ROBO2: variants seen among roughly 807,000 people sequenced by gnomAD.
The protein encoded by ROBO2 is roundabout homolog 2.
ROBO2 carries 53 observed loss-of-function variants against 160.8 expected under a neutral mutation model. The observed-to-expected ratio is 0.33, with a 90% confidence interval of 0.26 to 0.41. The LOEUF is 0.41. ROBO2 is among the 10% of genes least tolerant of loss of function. The pLI is 1.00. For missense variants in ROBO2, 1,577 were observed against 1,722.4 expected (o/e 0.92, Z 1.49); for synonymous variants, 664 against 611.7 (o/e 1.09, Z -1.26).
At chr3:77,015,222 A>T (rs1353190862) in intron 2 of ROBO2, among the ~76,000 whole-genome samples, 1 of 152,226 alleles carries the variant, frequency 6.6e-6, no homozygotes, top group Non-Finnish European at 1.5e-5. Flanking sequence ...CTAATGTTTT[A>T]CTAAAGCAAA....
intron 2 of ROBO2, among the ~76,000 whole-genome samples, chr3:77,172,675 G>T (rs1476296785): frequency 6.6e-6 from 1 of 152,114 alleles, no homozygotes; most frequent in African/African-American, 2.4e-5. Context: ...AAATAAGTAG[G>T]TTTTAATACT....
intron 2 of ROBO2, among the ~76,000 whole-genome samples, chr3:76,151,387 G>T (rs1337483403): frequency 6.6e-6 from 1 of 152,122 alleles, no homozygotes; most frequent in Non-Finnish European, 1.5e-5. Context: ...TGAGGCACCA[G>T]AGCCACCAGG....
intron 2 of ROBO2, among the ~76,000 whole-genome samples, chr3:76,189,169 TC>T (rs1404942171): frequency 5.3e-5 from 8 of 151,936 alleles, no homozygotes; most frequent in South Asian, 4.1e-4. Flanking sequence ...CCTCAAATTT[TC>T]TTTGCATCTC....
intron 2 of ROBO2, among the ~76,000 whole-genome samples, chr3:76,820,126 G>A (rs1442168452): frequency 6.6e-6 from 1 of 152,002 alleles, no homozygotes; most frequent in Non-Finnish European, 1.5e-5. Flanking sequence ...TAATCGATTT[G>A]TTTCATGTAC....
chr3:76,903,580 T>C (rs1307517320), intron 2 of ROBO2, among the ~76,000 whole-genome samples: 1 of 152,114 alleles, frequency 6.6e-6, no homozygotes, highest in Non-Finnish European at 1.5e-5. Flanking sequence ...TGGTAGTTTA[T>C]AAATAAGGAG....
intron 2 of ROBO2, among the ~76,000 whole-genome samples, chr3:76,459,146 T>G (rs2077947939): frequency 6.6e-6 from 1 of 152,198 alleles, no homozygotes; most frequent in African/African-American, 2.4e-5. Flanking sequence ...TGTTTGTGAG[T>G]TTGATTTGGG....
At chr3:76,293,990 C>T (rs2107713001) in intron 2 of ROBO2, among the ~76,000 whole-genome samples, 1 of 152,278 alleles carries the variant, frequency 6.6e-6, no homozygotes, top group South Asian at 2.1e-4. Context: ...CCCCACTCAG[C>T]CTGTCTCCGA....
At chr3:76,773,137 T>C (rs2062018797) in intron 2 of ROBO2, among the ~76,000 whole-genome samples, 1 of 151,100 alleles carries the variant, frequency 6.6e-6, no homozygotes, top group Non-Finnish European at 1.5e-5. Context: ...TGAATGGTCA[T>C]GGTCAAAACC....
At chr3:76,095,858 G>T (rs1477545379) in intron 2 of ROBO2, among the ~76,000 whole-genome samples, 1 of 151,324 alleles carries the variant, frequency 6.6e-6, no homozygotes, top group Non-Finnish European at 1.5e-5. Context: ...AATAGAAATT[G>T]CAAAGACATA....
At chr3:76,376,322 G>A (rs991688489) in intron 2 of ROBO2, among the ~76,000 whole-genome samples, 1 of 152,074 alleles carries the variant, frequency 6.6e-6, no homozygotes, top group Admixed American at 6.6e-5. Flanking sequence ...CAGTGGCCAA[G>A]CATCTTCACA....
intron 2 of ROBO2, among the ~76,000 whole-genome samples, chr3:76,096,776 CATA>C (rs1277004680): frequency 6.6e-6 from 1 of 152,128 alleles, no homozygotes; most frequent in African/African-American, 2.4e-5. Context: ...TAAACTGAAA[CATA>C]ATCATTTATA....
chr3:77,445,293 C>A (rs568044840), intron 2 of ROBO2, among the ~76,000 whole-genome samples: 22 of 152,066 alleles, frequency 1.4e-4, no homozygotes, highest in Non-Finnish European at 2.9e-4. Context: ...AAGACTATCT[C>A]AGGACTTCTT....
At chr3:76,419,183 C>T (rs2075884700) in intron 2 of ROBO2, among the ~76,000 whole-genome samples, 1 of 152,114 alleles carries the variant, frequency 6.6e-6, no homozygotes, top group Non-Finnish European at 1.5e-5. Context: ...AAAATTATGT[C>T]ATCAAATGCC....
intron 2 of ROBO2, among the ~76,000 whole-genome samples, chr3:76,830,424 G>C (rs180775028): frequency 6.6e-6 from 1 of 151,996 alleles, no homozygotes; most frequent in African/African-American, 2.4e-5. Context: ...TTTCAGTATA[G>C]CTTTCATAAT....
intron 2 of ROBO2, among the ~76,000 whole-genome samples, chr3:77,313,321 G>T (rs1342354677): frequency 2.0e-5 from 3 of 152,112 alleles, no homozygotes; most frequent in African/African-American, 7.2e-5. Flanking sequence ...AATCATATCA[G>T]GGTAATTAGC....
intron 2 of ROBO2, among the ~76,000 whole-genome samples, chr3:77,457,207 G>A (rs1015966975): frequency 4.6e-5 from 7 of 152,166 alleles, no homozygotes; most frequent in African/African-American, 1.7e-4. Flanking sequence ...CAGGCATTCA[G>A]AGAGTGGAAG....
chr3:77,112,422 T>G (rs190877621), intron 2 of ROBO2, among the ~76,000 whole-genome samples: 85 of 151,942 alleles, frequency 5.6e-4, no homozygotes, highest in Non-Finnish European at 2.4e-4. Flanking sequence ...TTTTGTATTT[T>G]TAGTGGAGAC....
chr3:76,925,228 A>AAAAAT (rs757543990), intron 2 of ROBO2, among the ~76,000 whole-genome samples: 11 of 147,554 alleles, frequency 7.5e-5, no homozygotes, highest in Admixed American at 2.7e-4. Flanking sequence ...AAAAAAAAAA[A>AAAAAT]AAATCTGGTT....
chr3:77,629,683 C>T (rs1283236588), intron 23 of ROBO2: 3 of 152,116 alleles, frequency 2.0e-5, no homozygotes, highest in Non-Finnish European at 4.4e-5. Context: ...TATATAGTGT[C>T]ATCATATTCC....
Sources: gnomAD v4.1 joint callset for allele counts (sites outside exome capture counted in the v4.1 genomes callset) on GRCh38, gnomAD v4.1.1 for gene constraint, MANE v1.5 for transcripts, NCBI Gene and HGNC (gene_info 2026-07-23, HGNC 2026-07-21) for gene names.